Variants in ADCY8 observed in about 807,000 individuals in gnomAD.
ADCY8 encodes adenylate cyclase type 8.
Under a neutral mutation model 119.7 loss-of-function variants are expected in ADCY8, and 51 were observed. The ratio of observed to expected loss-of-function variants is 0.43; its 90% CI spans 0.34 to 0.54. ADCY8 has a LOEUF of 0.54. Among genes scored for constraint, ADCY8 ranks in the 20% least tolerant of loss-of-function variants. ADCY8 has a pLI of 0.03. For synonymous variants in ADCY8, 665 were observed against 651.0 expected (o/e 1.02, Z -0.33); for missense variants, 1,383 against 1,598.8 (o/e 0.87, Z 2.30).
At chr8:130,853,328 G>T (rs968080907) in intron 9 of ADCY8, among the ~76,000 whole-genome samples, 2 of 152,246 alleles carry the variant, frequency 1.3e-5, no homozygotes, top group Admixed American at 1.3e-4. Context: ...TCTGGCCACA[G>T]ATGGCACCGT....
chr8:131,022,499 A>G (rs1586663652), intron 1 of ADCY8, among the ~76,000 whole-genome samples: 1 of 152,130 alleles, frequency 6.6e-6, no homozygotes. Flanking sequence ...ATATGTGCCA[A>G]ATTTTCTTTA....
intron 9 of ADCY8, among the ~76,000 whole-genome samples, chr8:130,864,486 T>A (rs1818045323): frequency 6.6e-6 from 1 of 152,162 alleles, no homozygotes. Flanking sequence ...ATGTGTATAT[T>A]TCTTCTTTTG....
At chr8:130,934,025 C>T (rs574489848) in intron 5 of ADCY8, among the ~76,000 whole-genome samples, 1 of 152,268 alleles carries the variant, frequency 6.6e-6, no homozygotes, top group African/African-American at 2.4e-5. Context: ...CAAAGACCTC[C>T]AGGTGACATG....
At chr8:130,834,377 A>C (rs931365736) in intron 12 of ADCY8, among the ~76,000 whole-genome samples, 9 of 152,214 alleles carry the variant, frequency 5.9e-5, no homozygotes, top group African/African-American at 2.2e-4. Context: ...ACACTCAACC[A>C]AACAAATATT....
intron 17 of ADCY8, among the ~76,000 whole-genome samples, chr8:130,782,394 C>T (rs999876790): frequency 2.6e-5 from 4 of 152,178 alleles, no homozygotes; most frequent in Middle Eastern, 3.4e-3. Context: ...TAGGAGGAAA[C>T]GGAGACACAG....
At chr8:131,037,351 A>G (rs1401970595) in intron 1 of ADCY8, among the ~76,000 whole-genome samples, 1 of 152,174 alleles carries the variant, frequency 6.6e-6, no homozygotes, top group Non-Finnish European at 1.5e-5. Context: ...ATCTGGTAGT[A>G]TTTGAGTAGA....
chr8:130,870,283 A>G (rs1457233061), intron 8 of ADCY8, among the ~76,000 whole-genome samples: 1 of 152,040 alleles, frequency 6.6e-6, no homozygotes, highest in Non-Finnish European at 1.5e-5. Context: ...AAGTGCTGGG[A>G]TTACAGGCAT....
intron 1 of ADCY8, among the ~76,000 whole-genome samples, chr8:131,001,745 A>AT (rs1178192710): frequency 1.3e-5 from 2 of 151,708 alleles, no homozygotes; most frequent in East Asian, 1.9e-4. Flanking sequence ...TTATGGTGTA[A>AT]TTTTTTTCTA....
chr8:131,035,868 T>C (rs537022690), intron 1 of ADCY8, among the ~76,000 whole-genome samples: 3 of 152,288 alleles, frequency 2.0e-5, no homozygotes, highest in South Asian at 4.1e-4. Context: ...TTCCAGTGTT[T>C]ATGGCTTTTA....
chr8:130,867,556 A>G (rs1818171650), intron 9 of ADCY8, among the ~76,000 whole-genome samples: 1 of 146,472 alleles, frequency 6.8e-6, no homozygotes, highest in Non-Finnish European at 1.5e-5. Context: ...TGAGGTTCTT[A>G]TACCTATTTT....
chr8:130,932,915 T>G (rs1459442079), intron 5 of ADCY8, among the ~76,000 whole-genome samples: 1 of 152,186 alleles, frequency 6.6e-6, no homozygotes, highest in Non-Finnish European at 1.5e-5. Context: ...TCATTTTGAG[T>G]GTTGGTTTGC....
chr8:131,006,211 T>G (rs922337157), intron 1 of ADCY8, among the ~76,000 whole-genome samples: 1 of 152,194 alleles, frequency 6.6e-6, no homozygotes, highest in African/African-American at 2.4e-5. Context: ...CTCCTGTCAG[T>G]TCTTGGGTCT....
In ADCY8 at chr8:130,825,847, T is replaced by G. The variant is rs535766230; in HGVS notation, c.2676-4427A>C. On this transcript the variant is annotated intron_variant, in intron 12 of 17. Transcript: ENST00000286355. Reference sequence around the variant, plus strand: ...GTGTGGTCTGTGCCTGGTCTTTCTGTCTCTCTGCCTCATTATTGATCCATC... The same window carrying G: ...GTGTGGTCTGTGCCTGGTCTTTCTGGCTCTCTGCCTCATTATTGATCCATC... 4.6e-5 allele frequency among the ~76,000 whole-genome samples: 7 copies of G among 152,272 alleles called. No individual in the cohort carries two copies. The South Asian group carries it at 1.5e-3, about 32-fold the overall frequency.
intron 2 of ADCY8, among the ~76,000 whole-genome samples, chr8:130,964,271 T>C (rs534984561): frequency 1.1e-4 from 16 of 152,248 alleles, no homozygotes; most frequent in Non-Finnish European, 1.9e-4. Context: ...CTCTTACACA[T>C]GTCAGTGGAT....
chr8:130,807,285 A>G (rs1250982417), intron 14 of ADCY8, among the ~76,000 whole-genome samples: 5 of 152,218 alleles, frequency 3.3e-5, no homozygotes, highest in African/African-American at 4.8e-5. Context: ...ACTATGTCTG[A>G]GACTTGCAAA....
intron 13 of ADCY8, among the ~76,000 whole-genome samples, chr8:130,816,013 T>C (rs1816328465): frequency 6.6e-6 from 1 of 152,228 alleles, no homozygotes; most frequent in African/African-American, 2.4e-5. Flanking sequence ...AGTCTTTAAC[T>C]GTTGACATGA....
chr8:130,951,717 C>G, intron 3 of ADCY8, 151 bp downstream of exon 3: 1 of 926,790 alleles, frequency 1.1e-6, no homozygotes, highest in Middle Eastern at 3.6e-4. Context: ...ATGTAGAACT[C>G]TCTGATGAAT....
intron 11 of ADCY8, among the ~76,000 whole-genome samples, chr8:130,842,657 G>T (rs116969761): frequency 0.045 from 6,827 of 152,040 alleles, 167 homozygotes; most frequent in Middle Eastern, 0.12. Flanking sequence ...TGGGTCACTT[G>T]TGGCCAGGAG....
intron 2 of ADCY8, among the ~76,000 whole-genome samples, chr8:130,954,527 G>A (rs949888385): frequency 6.6e-6 from 1 of 152,196 alleles, no homozygotes; most frequent in Non-Finnish European, 1.5e-5. Context: ...AAATGGTCAA[G>A]AGGGTGGAGT....
Sources: allele counts gnomAD v4.1 joint callset (sites outside exome capture counted in the v4.1 genomes callset), GRCh38; gene constraint gnomAD v4.1.1; transcripts MANE v1.5; gene names NCBI Gene and HGNC (gene_info 2026-07-23, HGNC 2026-07-21).